Variants in PADI1 observed in about 807,000 individuals in gnomAD.
The protein encoded by PADI1 is protein-arginine deiminase type-1.
PADI1 carries 65 observed loss-of-function variants against 74.8 expected under a neutral mutation model. The observed-to-expected ratio is 0.87, with a 90% CI of 0.71 to 1.07. The LOEUF is 1.07. PADI1 is among the 50% of genes least tolerant of loss of function. The probability of loss-of-function intolerance (pLI) is 0.00; values close to 1 mark genes in which losing one functional copy is unlikely to be tolerated. For synonymous variants in PADI1, 371 were observed against 336.2 expected, an observed-to-expected ratio of 1.10 and a Z score of -1.13; for missense variants, 943 against 854.0, an observed-to-expected ratio of 1.10 and a Z score of -1.30.
In PADI1 at chr1:17,228,776, T is replaced by C. The variant is rs2072396957; in HGVS notation, c.804T>C (p.Ser268=). The part of the protein sequence containing the change: ...DADFLGLVSL[S]VSLVDPGTLP... ...ATTTCCTAGGGCTGGTTTCCCTCAG[T>C]GTCAGCCTGGTGGACCCGGGGGTGT... The change falls in exon 7 of 16, where the codon AGT becomes AGC. Residue 268 remains serine (S), a synonymous_variant. Transcript: ENST00000375471. The C allele has an allele frequency of 6.2e-7, 1 of 1,613,984 alleles. No individual in the cohort carries two copies. Among genetic ancestry groups the C allele is most frequent in the South Asian group, 1.1e-5 (1 of 91,068 alleles).
intron 15 of PADI1, among the ~76,000 whole-genome samples, chr1:17,242,824 G>T (rs1383585113): frequency 1.3e-5 from 2 of 152,214 alleles, no homozygotes; most frequent in Non-Finnish European, 2.9e-5. Flanking sequence ...GGCTGGCTCT[G>T]GCCCTGGTCC....
At chr1:17,220,130 G>T (rs570301187) in intron 1 of PADI1, among the ~76,000 whole-genome samples, 1 of 148,384 alleles carries the variant, frequency 6.7e-6, no homozygotes, top group Non-Finnish European at 1.5e-5. Context: ...AGGAGTGGGG[G>T]ATGGGGGAGG....
At position 17,239,313 on chromosome 1, in the gene PADI1, G is replaced by C. The variant is rs150010836; in HGVS notation, c.1553-391G>C. Among the ~76,000 whole-genome samples, 155 of 152,296 alleles carry C rather than the reference G, an allele frequency of 1.0e-3. 1 individual carries two copies. In the East Asian group the frequency reaches 0.023, roughly 23 times the overall value. On this transcript the variant is annotated intron_variant, in intron 13 of 15. Coordinates refer to ENST00000375471, the MANE Select transcript of PADI1 (RefSeq NM_013358.3). ...TGGCATTTGCTGGCTGTGGTATCAAGGGTGTGTTCTGAACCTCTCAGTGCC... is the reference window on the plus strand; with the variant it reads ...TGGCATTTGCTGGCTGTGGTATCAACGGTGTGTTCTGAACCTCTCAGTGCC...
chr1:17,222,703 C>T (rs1169550094), intron 2 of PADI1, among the ~76,000 whole-genome samples: 1 of 152,168 alleles, frequency 6.6e-6, no homozygotes, highest in Admixed American at 6.5e-5. Flanking sequence ...TCCCACAAAA[C>T]ACAAGCTCTC....
intron 13 of PADI1, 109 bp from the exon 14 acceptor site, chr1:17,239,595 C>T: frequency 1.2e-6 from 1 of 801,050 alleles, no homozygotes; most frequent in South Asian, 1.5e-5. Flanking sequence ...GCTTCTGACC[C>T]TGGCACTGAG....
chr1:17,220,124 G>T (rs2072095859), intron 1 of PADI1, among the ~76,000 whole-genome samples: 1 of 150,316 alleles, frequency 6.7e-6, no homozygotes, highest in Non-Finnish European at 1.5e-5. Context: ...AAGGCCAGGA[G>T]TGGGGGATGG....
chr1:17,223,717 C>T (rs2100453376), intron 3 of PADI1, 24 bp downstream of exon 3: 4 of 1,595,802 alleles, frequency 2.5e-6, no homozygotes, highest in East Asian at 2.2e-5. Context: ...CCCTGGCTGC[C>T]CATCTATCCC....
intron 1 of PADI1, among the ~76,000 whole-genome samples, chr1:17,220,293 GTCACCGCA>G (rs2072103038): frequency 6.6e-6 from 1 of 152,126 alleles, no homozygotes; most frequent in Admixed American, 6.5e-5. Context: ...TAGGACTGTT[GTCACCGCA>G]GTCAATGGAG....
At position 17,205,168 on chromosome 1, in the gene PADI1, G is replaced by A. The variant is rs748653668; in HGVS notation, c.-50G>A. On this transcript the variant is annotated 5_prime_UTR_variant, in exon 1 of 16. Transcript: ENST00000375471. ...TCCTGGCAAAGAAGTGCCCAGGACG[G>A]GAGCTGGGGAGCCAGGGCTGATCTA... 6.8e-7 allele frequency: 1 copy of A among 1,474,558 alleles called. No homozygotes were observed. The highest frequency in any genetic ancestry group is 9.5e-7 in the Non-Finnish European group (1 of 1,055,052). The allele number at this position is 1,474,558 out of a possible 1,614,324, so 91.3% of individuals were successfully genotyped here.
rs141078757 is a variant in PADI1, at chr1:17,230,634, C to T, written c.1116C>T (p.Ser372=). The T allele has an allele frequency of 8.2e-5, 132 of 1,612,792 alleles. No individual in the cohort carries two copies. Among genetic ancestry groups the T allele is most frequent in the Non-Finnish European group, 1.1e-4 (128 of 1,179,172 alleles). Residue 372 remains serine, a synonymous_variant, in exon 10 of 16, where the codon TCC becomes TCT. Coordinates refer to ENST00000375471, the MANE Select transcript of PADI1 (RefSeq NM_013358.3). ...PHKSFPVVFD[S]PRNRGLKDFP... ...AATCCTTCCCCGTGGTCTTTGACTCCCCCAGGAACAGGGGCCTGAAAGATT... is the reference window on the plus strand; with the variant it reads ...AATCCTTCCCCGTGGTCTTTGACTCTCCCAGGAACAGGGGCCTGAAAGATT...
Position 17,240,643 on chromosome 1 carries a change from TG to T in PADI1, c.1642del (p.Asp548ThrfsTer7), listed in dbSNP as rs2072755455. The T allele has an allele frequency of 6.2e-7, 1 of 1,613,960 alleles. No individual in the cohort carries two copies. Among genetic ancestry groups the T allele is most frequent in the East Asian group, 2.2e-5 (1 of 44,868 alleles). On this transcript the variant is annotated frameshift_variant, in exon 15 of 16. Coordinates refer to ENST00000375471, the MANE Select transcript of PADI1 (RefSeq NM_013358.3). LOFTEE classifies it high-confidence loss of function. Reference sequence around the variant, plus strand: ...GCTGCCTCCTTCCCCAGAAATGCATTGACTGGAACCGTAATGTGCTGAAGCG... The same window carrying T: ...GCTGCCTCCTTCCCCAGAAATGCATTACTGGAACCGTAATGTGCTGAAGCG... The part of the protein sequence containing the change: ...RDNLHAQKCI[D>X]WNRNVLKREL...
At chr1:17,223,383 C>G in intron 2 of PADI1, 1 of 528,176 alleles carries the variant, frequency 1.9e-6, no homozygotes, top group Non-Finnish European at 3.4e-6. Context: ...ACCTTTCCCC[C>G]ACCCTCCTTG....
chr1:17,214,521 A>T (rs1021495819), intron 1 of PADI1, among the ~76,000 whole-genome samples: 4 of 152,006 alleles, frequency 2.6e-5, no homozygotes, highest in Admixed American at 2.6e-4. Flanking sequence ...CAAATCTGTG[A>T]CCTCACCTGA....
At chr1:17,213,596 C>A (rs534037311) in intron 1 of PADI1, among the ~76,000 whole-genome samples, 2 of 152,342 alleles carry the variant, frequency 1.3e-5, no homozygotes, top group Non-Finnish European at 2.9e-5. Flanking sequence ...GCCGTCATTA[C>A]CCTGTGACAA....
At chr1:17,237,931 G>A (rs1481864475) in intron 12 of PADI1, among the ~76,000 whole-genome samples, 1 of 152,220 alleles carries the variant, frequency 6.6e-6, no homozygotes, top group Non-Finnish European at 1.5e-5. Context: ...GGGAAGGCAT[G>A]GCCAGGGAGC....
intron 8 of PADI1, 90 bp from the exon 9 acceptor site, chr1:17,229,995 T>C (rs2072440535): frequency 7.9e-7 from 1 of 1,265,292 alleles, no homozygotes; most frequent in Non-Finnish European, 1.1e-6. Context: ...CCCCAGAGGC[T>C]GCACAGGGCC....
intron 15 of PADI1, among the ~76,000 whole-genome samples, chr1:17,243,157 C>A (rs1032305350): frequency 1.3e-5 from 2 of 152,206 alleles, no homozygotes; most frequent in Non-Finnish European, 1.5e-5. Flanking sequence ...AAGGGTCACC[C>A]CTTATGACCT....
intron 2 of PADI1, among the ~76,000 whole-genome samples, chr1:17,222,773 A>C (rs2072194003): frequency 6.6e-6 from 1 of 152,066 alleles, no homozygotes. Context: ...CAGCCCACAC[A>C]CGGACCCAGC....
At chr1:17,240,392 T>C (rs1029335413) in intron 14 of PADI1, 1 of 411,876 alleles carries the variant, frequency 2.4e-6, no homozygotes, top group African/African-American at 2.0e-5. Context: ...CAAGAACATT[T>C]GCATCCAGAA....
Sources: allele counts gnomAD v4.1 joint callset (sites outside exome capture counted in the v4.1 genomes callset), GRCh38; gene constraint gnomAD v4.1.1; transcripts MANE v1.5; gene names NCBI Gene and HGNC (gene_info 2026-07-23, HGNC 2026-07-21).